The following BMAL1 variants were observed in gnomAD, a reference collection of about 807,000 sequenced individuals.
BMAL1 encodes basic helix-loop-helix ARNT like 1.
At chr11:13,331,334 C>T in the BMAL1 span, among the ~76,000 whole-genome samples, 1 of 152,314 alleles carries the variant, frequency 6.6e-6, no homozygotes, top group Admixed American at 6.5e-5. Flanking sequence ...TTGGGAAAAG[C>T]TTATAGAGAT....
At chr11:13,315,833 C>T in the BMAL1 span, among the ~76,000 whole-genome samples, 1 of 152,178 alleles carries the variant, frequency 6.6e-6, no homozygotes, top group African/African-American at 2.4e-5. Context: ...TTGCCCACAG[C>T]TGCTTCTTGC....
chr11:13,314,391 A>C, the BMAL1 span, among the ~76,000 whole-genome samples: 1 of 151,996 alleles, frequency 6.6e-6, no homozygotes, highest in African/African-American at 2.4e-5. Flanking sequence ...TAATGTGATA[A>C]AATGTACCTG....
At chr11:13,357,733 CTG>C in the BMAL1 span, among the ~76,000 whole-genome samples, 10 of 152,344 alleles carry the variant, frequency 6.6e-5, no homozygotes, top group South Asian at 1.4e-3. The surrounding 1 kb of genome is among the most constrained non-coding windows in gnomAD (Gnocchi z 4.8). Flanking sequence ...TCCCATGGCT[CTG>C]TATCTGCGGC....
chr11:13,300,422 G>T, the BMAL1 span, among the ~76,000 whole-genome samples: 1 of 152,188 alleles, frequency 6.6e-6, no homozygotes, highest in African/African-American at 2.4e-5. Context: ...TACTTAAAAT[G>T]CTAGGAATCA....
the BMAL1 span, among the ~76,000 whole-genome samples, chr11:13,335,139 G>A: frequency 2.0e-5 from 3 of 152,170 alleles, no homozygotes; most frequent in African/African-American, 7.2e-5. Context: ...TCACCTCCCT[G>A]AAAGGTAATA....
the BMAL1 span, among the ~76,000 whole-genome samples, chr11:13,284,252 ATATATATATATATATT>A: frequency 0.027 from 832 of 30,512 alleles, 127 homozygotes; most frequent in African/African-American, 0.095. Context: ...ATATATATAT[ATATATATATATATATT>A]TTTTTTTTTA....
chr11:13,326,908 T>C, the BMAL1 span, among the ~76,000 whole-genome samples: 7 of 151,984 alleles, frequency 4.6e-5, no homozygotes, highest in East Asian at 5.9e-4. Flanking sequence ...CAAGCTCTGC[T>C]TCCCGGGTTC....
the BMAL1 span, among the ~76,000 whole-genome samples, chr11:13,284,184 ATATATATATGTGTGTATATATATATGTG>A: frequency 1.4e-5 from 1 of 72,626 alleles, no homozygotes; most frequent in African/African-American, 6.5e-5. Flanking sequence ...ATATGTGTAT[ATATATATATGTGTGTATATATATATGTG>A]TATATATATA....
chr11:13,378,353 C>T, the BMAL1 span: 3 of 1,611,648 alleles, frequency 1.9e-6, no homozygotes, highest in Non-Finnish European at 2.5e-6. Flanking sequence ...CAAAGAGGAC[C>T]CACCCCACTG....
chr11:13,354,049 C>T, the BMAL1 span, among the ~76,000 whole-genome samples: 1 of 152,226 alleles, frequency 6.6e-6, no homozygotes, highest in Non-Finnish European at 1.5e-5. Context: ...ATGTCTTCAC[C>T]AGAAAAATGA....
chr11:13,294,963 C>A, the BMAL1 span, among the ~76,000 whole-genome samples: 2 of 152,214 alleles, frequency 1.3e-5, no homozygotes, highest in Admixed American at 6.5e-5. Flanking sequence ...GCAGCTTCCT[C>A]TTCCTCTTTA....
chr11:13,325,304 G>C, the BMAL1 span, among the ~76,000 whole-genome samples: 1 of 152,206 alleles, frequency 6.6e-6, no homozygotes, highest in Non-Finnish European at 1.5e-5. Context: ...TGGTGTCAGT[G>C]AGTGGGAGTC....
At chr11:13,343,223 A>G in the BMAL1 span, among the ~76,000 whole-genome samples, 26 of 152,184 alleles carry the variant, frequency 1.7e-4, no homozygotes, top group Non-Finnish European at 2.8e-4. Context: ...CTTGACCGTC[A>G]TCTCCCATCA....
the BMAL1 span, among the ~76,000 whole-genome samples, chr11:13,293,571 G>C: frequency 6.6e-6 from 1 of 152,194 alleles, no homozygotes; most frequent in African/African-American, 2.4e-5. Context: ...AAAGAGTTGG[G>C]AAAAATGCAT....
chr11:13,279,852 CTG>C, the BMAL1 span, among the ~76,000 whole-genome samples: 1 of 152,194 alleles, frequency 6.6e-6, no homozygotes, highest in African/African-American at 2.4e-5. Context: ...TAAGTTAAAA[CTG>C]TAGTTAAATT....
chr11:13,284,150 A>G, the BMAL1 span, among the ~76,000 whole-genome samples: 11 of 65,226 alleles, frequency 1.7e-4, 1 homozygote, highest in African/African-American at 6.6e-4. Flanking sequence ...ATATGTGTAT[A>G]TATATATATG....
chr11:13,373,651 C>T, the BMAL1 span, among the ~76,000 whole-genome samples: 1 of 152,100 alleles, frequency 6.6e-6, no homozygotes, highest in Non-Finnish European at 1.5e-5. Flanking sequence ...TGACCATAGG[C>T]ATGTGCCACC....
chr11:13,297,088 C>T, the BMAL1 span, among the ~76,000 whole-genome samples: 1 of 152,154 alleles, frequency 6.6e-6, no homozygotes, highest in Non-Finnish European at 1.5e-5. Flanking sequence ...ATCCAGTTTG[C>T]GCTGTAGTAA....
At chr11:13,305,656 A>G in the BMAL1 span, among the ~76,000 whole-genome samples, 2 of 152,146 alleles carry the variant, frequency 1.3e-5, no homozygotes, top group Non-Finnish European at 2.9e-5. Flanking sequence ...GAGTGCTGGG[A>G]GTGCACATCC....
Sources: allele counts gnomAD v4.1 joint callset (sites outside exome capture counted in the v4.1 genomes callset), GRCh38; gene constraint gnomAD v4.1.1; non-coding constraint Gnocchi (gnomAD v3.1); transcripts MANE v1.5; gene names NCBI Gene and HGNC (gene_info 2026-07-23, HGNC 2026-07-21).